EFHC1: variants seen among roughly 807,000 people sequenced by gnomAD.
EFHC1 encodes the protein EF-hand domain containing 1, also known as EF-hand domain-containing protein 1.
EFHC1 carries 53 observed loss-of-function variants against 69.9 expected under a neutral mutation model. The observed-to-expected ratio is 0.76, with a 90% confidence interval of 0.61 to 0.95. The LOEUF (loss-of-function observed/expected upper bound fraction) is 0.95. EFHC1 is among the 40% of genes least tolerant of loss of function. The probability of loss-of-function intolerance (pLI) is 0.00; values close to 1 mark genes in which losing one functional copy is unlikely to be tolerated. For synonymous variants in EFHC1, 256 were observed against 278.4 expected (o/e 0.92, Z 0.80); for missense variants, 739 against 798.7 (o/e 0.93, Z 0.90).
chr6:52,461,858 T>C (rs1163322139), intron 5 of EFHC1, among the ~76,000 whole-genome samples: 1 of 152,164 alleles, frequency 6.6e-6, no homozygotes, highest in Non-Finnish European at 1.5e-5. Context: ...AAGAGGATCA[T>C]TACCTATTGC....
intron 7 of EFHC1, among the ~76,000 whole-genome samples, chr6:52,474,162 AT>A (rs1765496304): frequency 6.6e-6 from 1 of 152,188 alleles, no homozygotes; most frequent in Non-Finnish European, 1.5e-5. Flanking sequence ...AGATAAAAAA[AT>A]AAGTTAATTG....
chr6:52,465,007 C>A lies in EFHC1; in HGVS notation c.1029C>A (p.Phe343Leu). 1 of 1,614,146 alleles carries A rather than the reference C, an allele frequency of 6.2e-7. No individual in the cohort carries two copies. Among genetic ancestry groups the A allele is most frequent in the Non-Finnish European group, 8.5e-7 (1 of 1,180,016 alleles). ...TCACTATCCTTGGGAGAACTTTCTTCATTTATGATTGTGATCCATTTACTC... is the reference window on the plus strand; with the variant it reads ...TCACTATCCTTGGGAGAACTTTCTTAATTTATGATTGTGATCCATTTACTC... ...KSLTILGRTF[F>L]IYDCDPFTRR... is the part of the protein sequence containing the mutation. Residue 343 changes from phenylalanine to leucine, a missense_variant, in exon 6 of 11, where the codon TTC becomes TTA. By Grantham distance (22) the Phe-to-Leu change is conservative. Coordinates refer to ENST00000371068, the MANE Select transcript of EFHC1 (RefSeq NM_018100.4).
rs191644926 is a variant in EFHC1, at chr6:52,455,618, C to T, written c.916+1331C>T. 3.2e-3 allele frequency among the ~76,000 whole-genome samples: 493 copies of T among 151,696 alleles called. 2 individuals carry two copies. The highest frequency in any genetic ancestry group is 0.012 in the African/African-American group (482 of 41,288). ...GTGGCGAGCCAAGATCGTGCCACTG[C>T]ACTCCAGCCTGGGTGACAGAGTGAG... On this transcript the variant is annotated intron_variant, in intron 5 of 10. Transcript: ENST00000371068.
At chr6:52,488,453 G>T (rs1162895765) in intron 9 of EFHC1, 2 of 152,126 alleles carry the variant, frequency 1.3e-5, no homozygotes, top group Non-Finnish European at 2.9e-5. Flanking sequence ...AAAAATTTTT[G>T]AAAATCTTAT....
At chr6:52,477,156 A>G (rs780712863) in intron 7 of EFHC1, among the ~76,000 whole-genome samples, 12 of 150,346 alleles carry the variant, frequency 8.0e-5, no homozygotes, top group Non-Finnish European at 1.6e-4. Context: ...ATTTTATTCT[A>G]AGTGTGCTAG....
At chr6:52,456,373 G>A (rs1469027356) in intron 5 of EFHC1, among the ~76,000 whole-genome samples, 3 of 152,110 alleles carry the variant, frequency 2.0e-5, no homozygotes, top group African/African-American at 7.2e-5. Context: ...GCAGTTCGGA[G>A]CTAACAAACA....
intron 3 of EFHC1, among the ~76,000 whole-genome samples, chr6:52,451,754 G>A (rs1764921808): frequency 6.6e-6 from 1 of 152,174 alleles, no homozygotes; most frequent in Non-Finnish European, 1.5e-5. Flanking sequence ...CTTTCTCACT[G>A]TCCCTTTCAG....
chr6:52,465,417 G>GA, intron 6 of EFHC1, among the ~76,000 whole-genome samples: 1 of 152,126 alleles, frequency 6.6e-6, no homozygotes, highest in East Asian at 1.9e-4. Context: ...CTGTTTATAG[G>GA]AAAGCCAGTC....
chr6:52,445,847 A>C (rs1764771893), intron 3 of EFHC1, among the ~76,000 whole-genome samples: 1 of 152,142 alleles, frequency 6.6e-6, no homozygotes, highest in South Asian at 2.1e-4. Flanking sequence ...CAGGTTGTTC[A>C]ATTTCCATGT....
Position 52,492,317 on chromosome 6 carries a change from C to T in EFHC1, c.1899C>T (p.Asn633=), listed in dbSNP as rs1581855812. ...SHGEGKINYY[N]FVRAFSN ...GAGAAGGCAAAATTAACTACTATAA[C>T]TTTGTTCGTGCTTTCTCAAACTGAC... The change falls in exon 11 of 11, where the codon AAC becomes AAT. Residue 633 remains asparagine (N), a synonymous_variant. Transcript: ENST00000371068. The T allele has an allele frequency of 6.2e-7, 1 of 1,614,028 alleles. No individual in the cohort carries two copies. The highest frequency in any genetic ancestry group is 8.5e-7 in the Non-Finnish European group (1 of 1,179,960).
chr6:52,469,070 T>C, intron 6 of EFHC1: 1 of 468,952 alleles, frequency 2.1e-6, no homozygotes, highest in Non-Finnish European at 3.9e-6. Context: ...AAGGGGTCAG[T>C]GGACATCAGC....
chr6:52,436,853 A>C (rs1372023545), intron 2 of EFHC1, among the ~76,000 whole-genome samples: 1 of 152,042 alleles, frequency 6.6e-6, no homozygotes, highest in Non-Finnish European at 1.5e-5. Flanking sequence ...TGTTGGCCAG[A>C]CTGGTCTCAA....
Position 52,489,612 on chromosome 6 carries a change from A to G in EFHC1, c.1641-528A>G, listed in dbSNP as rs55826114. The G allele has an allele frequency of 3.6e-3, 610 of 167,690 alleles. 5 individuals are homozygous for G. The highest frequency in any genetic ancestry group is 0.013 in the African/African-American group (560 of 41,658). The allele number at this position is 167,690 out of a possible 1,614,324, so 10.4% of individuals were successfully genotyped here. ...ATGCTAAGCCCAAACTTCTCACTCT[A>G]CCTCACAGAGCAATCTCTTAGCTTC... On this transcript the variant is annotated intron_variant, in intron 9 of 10. Transcript: ENST00000371068.
chr6:52,452,674 T>C lies in EFHC1; in HGVS notation c.574-14T>C. 1 of 1,613,874 alleles carries C rather than the reference T, an allele frequency of 6.2e-7. No homozygotes were observed. Among genetic ancestry groups the C allele is most frequent in the South Asian group, 1.1e-5 (1 of 91,080 alleles). ...TCCAAGAAAGATGATCATTGTTAAC[T>C]TTCAATTATTTAGGTATTTTTAGAA... On this transcript the variant is annotated splice_polypyrimidine_tract_variant and intron_variant, in intron 3 of 10. Coordinates refer to ENST00000371068, the MANE Select transcript of EFHC1 (RefSeq NM_018100.4).
At chr6:52,431,866 A>T (rs1764422634) in intron 2 of EFHC1, among the ~76,000 whole-genome samples, 1 of 152,086 alleles carries the variant, frequency 6.6e-6, no homozygotes. Context: ...TTGTTTTATA[A>T]ATTGGGTGCT....
At chr6:52,462,830 G>A (rs1422091223) in intron 5 of EFHC1, among the ~76,000 whole-genome samples, 1 of 150,008 alleles carries the variant, frequency 6.7e-6, no homozygotes, top group Non-Finnish European at 1.5e-5. Flanking sequence ...AGAGGTTGCA[G>A]TGAGCCGAGA....
intron 2 of EFHC1, among the ~76,000 whole-genome samples, chr6:52,429,352 C>T (rs2113971251): frequency 6.6e-6 from 1 of 152,278 alleles, no homozygotes. Flanking sequence ...CTTGATCCAT[C>T]TTGAGTTGAT....
chr6:52,474,693 A>G (rs1765508227), intron 7 of EFHC1, among the ~76,000 whole-genome samples: 1 of 152,266 alleles, frequency 6.6e-6, no homozygotes, highest in Admixed American at 6.5e-5. Flanking sequence ...TACTAATAAC[A>G]ACATGGCTAA....
Position 52,495,168 on chromosome 6 carries a change from G to A in EFHC1, c.*2827G>A, listed in dbSNP as rs115236787. ...CACACCTTCCAGGGTGTGCACTCTC[G>A]CCATGTTCTCACCCAGATGGCTCTC... On this transcript the variant is annotated 3_prime_UTR_variant, in exon 11 of 11. Coordinates refer to ENST00000371068, the MANE Select transcript of EFHC1 (RefSeq NM_018100.4). 3.1e-3 allele frequency: 1,415 copies of A among 454,014 alleles called. 27 individuals carry two copies. The highest frequency in any genetic ancestry group is 0.025 in the African/African-American group (1,241 of 50,084). 28.1% of individuals were successfully genotyped at this position (454,014 alleles called of 1,614,324 possible).
Sources: allele counts gnomAD v4.1 joint callset (sites outside exome capture counted in the v4.1 genomes callset), GRCh38; gene constraint gnomAD v4.1.1; transcripts MANE v1.5; gene names NCBI Gene and HGNC (gene_info 2026-07-23, HGNC 2026-07-21).